Variants in MYO1B observed in about 807,000 individuals in gnomAD.
MYO1B encodes the protein myosin IB, also known as unconventional myosin-Ib.
MYO1B carries 72 observed loss-of-function variants against 159.7 expected under a neutral mutation model. That is an observed-to-expected ratio of 0.45 (90% confidence interval 0.37 to 0.55). The LOEUF (loss-of-function observed/expected upper bound fraction) is 0.55. MYO1B is among the 20% of genes least tolerant of loss of function. The pLI is 0.00. For synonymous variants in MYO1B, 468 were observed against 473.8 expected (o/e 0.99, Z 0.16); for missense variants, 1,062 against 1,364.8 (o/e 0.78, Z 3.50).
chr2:191,414,065 A>G lies in MYO1B; in HGVS notation c.2891A>G (p.Gln964Arg). 6.2e-7 allele frequency: 1 copy of G among 1,610,056 alleles called. No homozygotes were observed. The highest frequency in any genetic ancestry group is 1.1e-5 in the South Asian group (1 of 89,646). ...TCCTTTAGTGTTGGGCAACCATTCC[A>G]AGGGGCTTACCTGGAAATCAACAAG... ...LYPSSVGQPF[Q>R]GAYLEINKNP... The change falls in exon 28 of 31, where the codon CAA becomes CGA. Residue 964 changes from glutamine to arginine, a missense_variant. Gln to Arg is a conservative substitution (Grantham distance 43). Transcript: ENST00000392318.
intron 29 of MYO1B, among the ~76,000 whole-genome samples, chr2:191,415,097 G>A (rs1209924108): frequency 1.3e-5 from 2 of 152,150 alleles, no homozygotes; most frequent in East Asian, 3.9e-4. Flanking sequence ...TGGATGCAGT[G>A]GTTACATGTA....
rs1029231933 is a variant in MYO1B at position 191,390,392 on chromosome 2, C to A, written c.1882C>A (p.Arg628=). 26 of 1,614,102 alleles carry A rather than the reference C, an allele frequency of 1.6e-5. No individual in the cohort carries two copies. The highest frequency in any genetic ancestry group is 2.1e-5 in the Non-Finnish European group (25 of 1,180,042). The change falls in exon 18 of 31, where the codon CGG becomes AGG. Residue 628 remains arginine (R), a synonymous_variant. Transcript: ENST00000392318. Reference sequence around the variant, plus strand: ...GGGGCTTTTGGAGAACGTCCGAGTGCGGAGGGCAGGCTACGCCTTCAGGCA... The same window carrying A: ...GGGGCTTTTGGAGAACGTCCGAGTGAGGAGGGCAGGCTACGCCTTCAGGCA... The part of the protein sequence containing the change: ...YLGLLENVRV[R]RAGYAFRQAY...
intron 6 of MYO1B, 78 bp downstream of exon 6, chr2:191,346,360 A>G: frequency 1.1e-6 from 1 of 920,454 alleles, no homozygotes; most frequent in Non-Finnish European, 1.6e-6. Flanking sequence ...GATGTTTAAT[A>G]TTTCTTAATA....
At position 191,424,427 on chromosome 2, in the gene MYO1B, T is replaced by C; in HGVS notation, c.*467T>C. 1 of 153,718 alleles carries C rather than the reference T, an allele frequency of 6.5e-6. No homozygotes were observed. Among genetic ancestry groups the C allele is most frequent in the East Asian group, 1.9e-4 (1 of 5,232 alleles). The allele number at this position is 153,718 out of a possible 1,614,324, so 9.5% of individuals were successfully genotyped here. ...TTGCATTCTGGCTGGTTTGTGCTGG[T>C]TTAACGACATCTAAGAAGGTTTAGA... On this transcript the variant is annotated 3_prime_UTR_variant, in exon 31 of 31. Transcript: ENST00000392318.
At chr2:191,413,783 G>C (rs1345783082) in intron 27 of MYO1B, among the ~76,000 whole-genome samples, 1 of 151,986 alleles carries the variant, frequency 6.6e-6, no homozygotes, top group Non-Finnish European at 1.5e-5. Context: ...AGTGATTTCT[G>C]TCTTGATTGT....
intron 13 of MYO1B, among the ~76,000 whole-genome samples, chr2:191,376,835 G>A (rs932643335): frequency 5.3e-5 from 8 of 152,112 alleles, no homozygotes; most frequent in Non-Finnish European, 8.8e-5. Context: ...TTTTTAAAGA[G>A]CCTAAGAGTT....
At chr2:191,388,643 T>TAA (rs200840607) in intron 17 of MYO1B, among the ~76,000 whole-genome samples, 2 of 151,454 alleles carry the variant, frequency 1.3e-5, no homozygotes, top group Admixed American at 1.3e-4. Context: ...GATCCTAGTT[T>TAA]AAAAAAAAAC....
chr2:191,414,484 A>T lies in MYO1B; in HGVS notation c.3007-33A>T, dbSNP rs767589619. On this transcript the variant is annotated intron_variant, in intron 28 of 30. Coordinates refer to ENST00000392318, the MANE Select transcript of MYO1B (RefSeq NM_001130158.3). The stretch of plus-strand genomic sequence containing the variant: ...GGACCATTTTTGAGTATTTGTGATC[A>T]TTGGTTTTATACTATTTTTTATTTT... The T allele has an allele frequency of 2.6e-6, 4 of 1,561,638 alleles. 1 individual carries two copies. In the South Asian group the frequency reaches 3.7e-5, roughly 14 times the overall value.
chr2:191,374,461 T>G (rs941279618), intron 13 of MYO1B, among the ~76,000 whole-genome samples: 3 of 152,224 alleles, frequency 2.0e-5, no homozygotes, highest in African/African-American at 7.2e-5. Context: ...TGCGTCTAGT[T>G]GTCCCATGGC....
chr2:191,387,466 G>A lies in MYO1B; in HGVS notation c.1781+16G>A. On this transcript the variant is annotated intron_variant, in intron 17 of 30. Transcript: ENST00000392318. ...ACTATATTAGGTATTTTTGGCACAT[G>A]AAACTTTCACAGTTCAAATGTGAGA... 6.2e-7 allele frequency: 1 copy of A among 1,608,872 alleles called. No homozygotes were observed. Among genetic ancestry groups the A allele is most frequent in the Non-Finnish European group, 8.5e-7 (1 of 1,175,226 alleles).
intron 21 of MYO1B, among the ~76,000 whole-genome samples, chr2:191,396,938 G>A (rs557214529): frequency 1.3e-5 from 2 of 152,172 alleles, no homozygotes; most frequent in African/African-American, 4.8e-5. Context: ...TAGTGGTGGG[G>A]ACATGGAGGA....
At position 191,323,984 on chromosome 2, in the gene MYO1B, G is replaced by A. The variant is rs1457737660; in HGVS notation, c.252-5951G>A. ...GCATTCTGCCATCTGTCATGCTATGGCATAGCATCTTTGTTATATTGGGAT... is the reference window on the plus strand; with the variant it reads ...GCATTCTGCCATCTGTCATGCTATGACATAGCATCTTTGTTATATTGGGAT... On this transcript the variant is annotated intron_variant, in intron 3 of 30. Transcript: ENST00000392318. Among the ~76,000 whole-genome samples the A allele has an allele frequency of 3.3e-5, 5 of 152,068 alleles. No homozygotes were observed. In the East Asian group the frequency reaches 7.7e-4, roughly 24 times the overall value.
rs981011943 is a variant in MYO1B, at chr2:191,363,732, C to T, written c.770C>T (p.Ala257Val). The T allele has an allele frequency of 1.9e-6, 3 of 1,603,442 alleles. No individual in the cohort carries two copies. The highest frequency in any genetic ancestry group is 2.7e-5 in the African/African-American group (2 of 74,028). The change falls in exon 10 of 31, where the codon GCC becomes GTC. Residue 257 changes from alanine to valine, a missense_variant. Around this residue, in one of 5 missense-constraint regions of MYO1B, gnomAD observed 415 missense variants for 544.0 expected, o/e 0.76. Coordinates refer to ENST00000392318, the MANE Select transcript of MYO1B (RefSeq NM_001130158.3). ...CTTTTTTTTTTCTCTCCCCAGAATGCCATGCAGATTGTGGGCTTTATGGAT... is the reference window on the plus strand; with the variant it reads ...CTTTTTTTTTTCTCTCCCCAGAATGTCATGCAGATTGTGGGCTTTATGGAT... Reference protein sequence around the residue: ...DAANFRTVRNAMQIVGFMDHE... With the variant: ...DAANFRTVRNVMQIVGFMDHE...
intron 23 of MYO1B, chr2:191,401,854 T>A (rs1315874630): frequency 6.6e-6 from 1 of 152,248 alleles, no homozygotes; most frequent in Non-Finnish European, 1.5e-5. Flanking sequence ...CTAAGATTTC[T>A]CCATCCAGTG....
At chr2:191,421,258 C>T (rs989775299) in intron 30 of MYO1B, among the ~76,000 whole-genome samples, 33 of 151,636 alleles carry the variant, frequency 2.2e-4, no homozygotes, top group African/African-American at 7.7e-4. Context: ...TTAGTAAAGA[C>T]GAGGTTTCAC....
intron 2 of MYO1B, among the ~76,000 whole-genome samples, chr2:191,284,650 C>T (rs566161717): frequency 3.9e-5 from 6 of 151,902 alleles, no homozygotes; most frequent in East Asian, 3.9e-4. Flanking sequence ...TTCTTTTTTT[C>T]GAGACAGAGT....
chr2:191,335,445 G>A (rs1339600615), intron 4 of MYO1B, among the ~76,000 whole-genome samples: 2 of 152,114 alleles, frequency 1.3e-5, no homozygotes, highest in Admixed American at 6.5e-5. Flanking sequence ...ATTACTTACA[G>A]GAAAATAAAA....
In MYO1B at chr2:191,316,512, G is replaced by A. The variant is rs867446671; in HGVS notation, c.252-13423G>A. Among the ~76,000 whole-genome samples the A allele has an allele frequency of 1.6e-4, 24 of 152,332 alleles. No individual in the cohort carries two copies. In the Middle Eastern group the frequency reaches 0.01, roughly 65 times the overall value. On this transcript the variant is annotated intron_variant, in intron 3 of 30. Coordinates refer to ENST00000392318, the MANE Select transcript of MYO1B (RefSeq NM_001130158.3). Reference sequence around the variant, plus strand: ...AACAGTCATATGTGAGTGAGTGTGTGTGTGTGTATGTGTGTGTTTTAACCT... The same window carrying A: ...AACAGTCATATGTGAGTGAGTGTGTATGTGTGTATGTGTGTGTTTTAACCT...
rs143833979 is a variant in MYO1B at position 191,388,949 on chromosome 2, C to A, written c.1782-1343C>A. Among the ~76,000 whole-genome samples, 357 of 152,142 alleles carry A rather than the reference C, an allele frequency of 2.3e-3. 2 individuals carry two copies. Among genetic ancestry groups the A allele is most frequent in the African/African-American group, 8.1e-3 (336 of 41,510 alleles). ...AACCCCAAGGTTGTGAATATATTAT[C>A]GTATATTTTCTTCTAGAAGCTTTAT... is the stretch of plus-strand genomic sequence containing the variant. On this transcript the variant is annotated intron_variant, in intron 17 of 30. Transcript: ENST00000392318.
Sources: allele counts gnomAD v4.1 joint callset (sites outside exome capture counted in the v4.1 genomes callset), GRCh38; gene constraint gnomAD v4.1.1; regional missense constraint gnomAD v4.1.1; transcripts MANE v1.5; gene names NCBI Gene and HGNC (gene_info 2026-07-23, HGNC 2026-07-21).